SH2D3C: variants seen among roughly 807,000 people sequenced by gnomAD.
SH2D3C encodes the protein SH2 domain containing 3C.
A neutral mutation model predicts 75.2 loss-of-function variants in SH2D3C; 25 were observed. That is an observed-to-expected ratio of 0.33 (90% CI 0.24 to 0.46). The LOEUF is 0.46. Among genes scored for constraint, SH2D3C ranks in the 20% least tolerant of loss-of-function variants. The probability of loss-of-function intolerance (pLI) is 1.00; values close to 1 mark genes in which losing one functional copy is unlikely to be tolerated. For missense variants in SH2D3C, 933 were observed against 1,165.3 expected, an observed-to-expected ratio of 0.80 and a Z score of 2.90; for synonymous variants, 450 against 473.7, an observed-to-expected ratio of 0.95 and a Z score of 0.65.
At chr9:127,753,185 G>C (rs1272640084) in intron 3 of SH2D3C, among the ~76,000 whole-genome samples, 2 of 152,196 alleles carry the variant, frequency 1.3e-5, no homozygotes, top group Non-Finnish European at 2.9e-5. Flanking sequence ...TGTTGGGGCA[G>C]GTTTAGTCCA....
At chr9:127,747,073 T>C (rs1429066409) in intron 6 of SH2D3C, 74 bp downstream of exon 6, 4 of 1,509,480 alleles carry the variant, frequency 2.6e-6, no homozygotes, top group Non-Finnish European at 3.6e-6. Context: ...GAAACACACA[T>C]AACCACACAT....
At chr9:127,764,559 C>T (rs549547969) in intron 2 of SH2D3C, among the ~76,000 whole-genome samples, 39 of 152,310 alleles carry the variant, frequency 2.6e-4, no homozygotes, top group African/African-American at 8.9e-4. Context: ...TGCACACTGA[C>T]CCCATGGCCC....
intron 2 of SH2D3C, chr9:127,762,235 GCC>G: frequency 1.7e-6 from 2 of 1,208,734 alleles, no homozygotes; most frequent in South Asian, 3.0e-5. Context: ...AGGGTGGAGA[GCC>G]TGGAGAGGCC....
rs763746623 is a variant in SH2D3C at position 127,749,452 on chromosome 9, G to A, written c.898C>T (p.His300Tyr). 3.7e-6 allele frequency: 6 copies of A among 1,614,218 alleles called. No individual in the cohort carries two copies. The African/African-American group carries it at 4.0e-5, about 11-fold the overall frequency. ...GACACAGCCTTGCGGCTGCCCACAT[G>A]ATAGCGCACGAGGGCGGGCACGTGG... Reference protein sequence around the residue: ...FDHVPALVRYHVGSRKAVSEQ... With the variant: ...FDHVPALVRYYVGSRKAVSEQ... Residue 300 changes from histidine (H) to tyrosine (Y), a missense_variant, in exon 5 of 12, where the codon CAT (histidine) becomes TAT (tyrosine). Transcript: ENST00000314830. This position sits in a 1 kb window ranked among gnomAD's most constrained non-coding sequence, Gnocchi z 5.9.
At chr9:127,744,512 G>A in intron 7 of SH2D3C, 52 bp downstream of exon 7, 1 of 1,544,896 alleles carries the variant, frequency 6.5e-7, no homozygotes, top group Non-Finnish European at 8.8e-7. Flanking sequence ...TCACTGCCCT[G>A]CCCCACAGAA....
In SH2D3C at chr9:127,744,691, A is replaced by G; in HGVS notation, c.1673T>C (p.Phe558Ser). Residue 558 changes from phenylalanine to serine, a missense_variant, in exon 7 of 12, where the codon TTC becomes TCC. Phe to Ser is a radical substitution (Grantham distance 155). Transcript: ENST00000314830. ...ATCCCTGGGGATCAGTAGTGACTGG[A>G]AGGTGGCCGGGTTGAAGGAAGAAGT... ...EVTSSFNPAT[F>S]QSLLIPRDNR... is the part of the protein sequence containing the mutation. 6.2e-7 allele frequency: 1 copy of G among 1,614,222 alleles called. No individual in the cohort carries two copies. Among genetic ancestry groups the G allele is most frequent in the Middle Eastern group, 1.6e-4 (1 of 6,062 alleles).
At chr9:127,742,045 G>C (rs1304096847) in intron 8 of SH2D3C, 86 bp from the exon 9 acceptor site, 1 of 1,330,074 alleles carries the variant, frequency 7.5e-7, no homozygotes, top group Non-Finnish European at 1.0e-6. Context: ...GGTTGGGCCG[G>C]GAGAGGCGGA....
intron 2 of SH2D3C, among the ~76,000 whole-genome samples, chr9:127,767,668 C>T (rs1475416865): frequency 6.6e-6 from 1 of 152,230 alleles, no homozygotes; most frequent in African/African-American, 2.4e-5. Flanking sequence ...CATCAGGCCT[C>T]AGTTTCCCCT....
chr9:127,753,965 G>C (rs545907905), intron 3 of SH2D3C, among the ~76,000 whole-genome samples: 1 of 152,344 alleles, frequency 6.6e-6, no homozygotes, highest in East Asian at 1.9e-4. Flanking sequence ...GGGGCTGGGA[G>C]ACTGGGCTCC....
intron 2 of SH2D3C, among the ~76,000 whole-genome samples, chr9:127,768,166 G>T (rs927730531): frequency 6.6e-6 from 1 of 152,140 alleles, no homozygotes; most frequent in Admixed American, 6.5e-5. Flanking sequence ...GGCCCACCAC[G>T]ACCCCCACCC....
chr9:127,777,310 G>C (rs1458254228), intron 1 of SH2D3C, among the ~76,000 whole-genome samples: 1 of 152,054 alleles, frequency 6.6e-6, no homozygotes, highest in Admixed American at 6.5e-5. Context: ...CCTCACCGTG[G>C]AGCCTGATTC....
At position 127,739,783 on chromosome 9, in the gene SH2D3C, G is replaced by A. The variant is rs373114224; in HGVS notation, c.2306C>T (p.Thr769Met). Residue 769 changes from threonine to methionine, a missense_variant, in exon 11 of 12, where the codon ACG becomes ATG. Transcript: ENST00000314830. This position sits in a 1 kb window ranked among gnomAD's most constrained non-coding sequence, Gnocchi z 4.3. Reference sequence around the variant, plus strand: ...CAGCACCACCTCCACGCCGTGCTCCGTGCTGCCCCAGGGCTCAGGGCCCTC... The same window carrying A: ...CAGCACCACCTCCACGCCGTGCTCCATGCTGCCCCAGGGCTCAGGGCCCTC... ...PPEGPEPWGS[T>M]EHGVEVVLAH... is the part of the protein sequence containing the mutation. The A allele has an allele frequency of 2.1e-4, 333 of 1,601,528 alleles. No individual in the cohort carries two copies. Among genetic ancestry groups the A allele is most frequent in the Non-Finnish European group, 2.6e-4 (302 of 1,175,032 alleles).
In SH2D3C at chr9:127,738,317, TAAAG is replaced by T. The variant is rs1844747421; in HGVS notation, c.*425_*428del. 6.5e-6 allele frequency: 1 copy of T among 153,952 alleles called. No individual in the cohort carries two copies. The highest frequency in any genetic ancestry group is 2.4e-5 in the African/African-American group (1 of 41,500). The allele number at this position is 153,952 out of a possible 1,614,324, so 9.5% of individuals were successfully genotyped here. A position where few individuals can be genotyped will look rare whatever the true frequency, so the allele number is the denominator to read the frequency against. On this transcript the variant is annotated 3_prime_UTR_variant, in exon 12 of 12. Coordinates refer to ENST00000314830, the MANE Select transcript of SH2D3C (RefSeq NM_170600.3). This position sits in a 1 kb window ranked among gnomAD's most constrained non-coding sequence, Gnocchi z 5.0. The stretch of plus-strand genomic sequence containing the variant: ...TACCCCAGGAGCCCGAGAGACAGAA[TAAAG>T]AGTCATAAAAGTTTATTATATGAAA...
intron 3 of SH2D3C, chr9:127,755,045 G>C: frequency 1.9e-6 from 2 of 1,078,664 alleles, no homozygotes; most frequent in Non-Finnish European, 2.3e-6. Context: ...GTCCCAGCCC[G>C]GCGCGCGTGG....
intron 3 of SH2D3C, chr9:127,755,404 C>A (rs1287141584): frequency 3.3e-6 from 1 of 303,420 alleles, no homozygotes; most frequent in Non-Finnish European, 5.9e-6. Context: ...CCCTCGCCCC[C>A]CGCCCTCCAG....
At chr9:127,741,992 T>G in intron 8 of SH2D3C, 33 bp from the exon 9 acceptor site, 2 of 1,574,250 alleles carry the variant, frequency 1.3e-6, no homozygotes, top group South Asian at 1.1e-5. Context: ...GGCGGCGGGC[T>G]CGGGGACAGG....
At chr9:127,740,195 TG>T in intron 10 of SH2D3C, 62 bp downstream of exon 10, 2 of 1,355,604 alleles carry the variant, frequency 1.5e-6, no homozygotes, top group Non-Finnish European at 2.1e-6. Context: ...CTGTCCATGC[TG>T]GGAGTCTTTG....
intron 7 of SH2D3C, among the ~76,000 whole-genome samples, chr9:127,744,313 C>T (rs988291857): frequency 6.6e-5 from 10 of 151,986 alleles, no homozygotes; most frequent in South Asian, 2.1e-4. Flanking sequence ...TCAGGTGATC[C>T]GCCCGCCTCG....
At chr9:127,768,556 G>T (rs1403036549) in intron 2 of SH2D3C, among the ~76,000 whole-genome samples, 1 of 152,112 alleles carries the variant, frequency 6.6e-6, no homozygotes, top group East Asian at 1.9e-4. Flanking sequence ...CTGCACTCCA[G>T]CCTGGGCAAC....
Sources: gnomAD v4.1 joint callset for allele counts (sites outside exome capture counted in the v4.1 genomes callset) on GRCh38, gnomAD v4.1.1 for gene constraint, Gnocchi (gnomAD v3.1) non-coding constraint, MANE v1.5 for transcripts, NCBI Gene and HGNC (gene_info 2026-07-23, HGNC 2026-07-21) for gene names.